DNAAF4: variants seen among roughly 807,000 people sequenced by gnomAD.
The protein encoded by DNAAF4 is dynein assembly factor 4, axonemal.
Under a neutral mutation model 51.8 loss-of-function variants are expected in DNAAF4, and 43 were observed. That is an observed-to-expected ratio of 0.83 (90% CI 0.65 to 1.07). The LOEUF (loss-of-function observed/expected upper bound fraction) is 1.07. Ranked by LOEUF, DNAAF4 falls within the 50% of genes least tolerant of loss-of-function variation. The pLI, the probability that DNAAF4 is intolerant of heterozygous loss-of-function variation, is 0.00. For synonymous variants in DNAAF4, 194 were observed against 165.6 expected (o/e 1.17, Z -1.32); for missense variants, 581 against 493.0 (o/e 1.18, Z -1.69).
intron 4 of DNAAF4, among the ~76,000 whole-genome samples, chr15:55,490,575 CTTTAT>C (rs1309954404): frequency 1.3e-5 from 2 of 152,126 alleles, no homozygotes; most frequent in African/African-American, 4.8e-5. Flanking sequence ...ACCATTGAAA[CTTTAT>C]TTTTACTCCC....
At chr15:55,482,820 G>T (rs1001481016) in intron 4 of DNAAF4, among the ~76,000 whole-genome samples, 4 of 152,122 alleles carry the variant, frequency 2.6e-5, no homozygotes, top group Non-Finnish European at 5.9e-5. Context: ...ACAAAATGTG[G>T]TGCCATCCAT....
At chr15:55,478,458 C>A (rs2058365017) in intron 4 of DNAAF4, among the ~76,000 whole-genome samples, 1 of 152,138 alleles carries the variant, frequency 6.6e-6, no homozygotes, top group Non-Finnish European at 1.5e-5. Context: ...ACAAACAGGT[C>A]AACCTGCTAG....
intron 5 of DNAAF4, among the ~76,000 whole-genome samples, chr15:55,461,964 ACAGGGATACAAAAGAT>A (rs2058099861): frequency 6.6e-6 from 1 of 152,218 alleles, no homozygotes; most frequent in African/African-American, 2.4e-5. Flanking sequence ...AACAAATACC[ACAGGGATACAAAAGAT>A]CATTCAAAGC....
chr15:55,443,218 T>G (rs555062527), intron 6 of DNAAF4: 6 of 1,609,268 alleles, frequency 3.7e-6, no homozygotes, highest in African/African-American at 1.3e-5. Context: ...GGGGACAGAA[T>G]AGTCCTTAAG....
chr15:55,487,695 T>TG (rs1193898685), intron 4 of DNAAF4, among the ~76,000 whole-genome samples: 5 of 151,386 alleles, frequency 3.3e-5, no homozygotes, highest in African/African-American at 9.7e-5. Context: ...CATTAAGAGC[T>TG]GTAACACACC....
At chr15:55,483,833 CT>C (rs71105887) in intron 4 of DNAAF4, among the ~76,000 whole-genome samples, 74 of 82,396 alleles carry the variant, frequency 9.0e-4, no homozygotes, top group East Asian at 3.7e-3. Flanking sequence ...GCCAATAAAG[CT>C]TTTTTTTTTT....
At chr15:55,479,146 C>T (rs906693883) in intron 4 of DNAAF4, among the ~76,000 whole-genome samples, 1 of 150,556 alleles carries the variant, frequency 6.6e-6, no homozygotes, top group South Asian at 2.1e-4. Flanking sequence ...TTTTAGTCCC[C>T]CAGTACAAAA....
rs540494914 is a variant in DNAAF4, at chr15:55,494,286, A to C, written c.272-3030T>G. Among the ~76,000 whole-genome samples the C allele has an allele frequency of 3.0e-4, 46 of 151,048 alleles. No homozygotes were observed. The East Asian group carries it at 8.9e-3, about 29-fold the overall frequency. On this transcript the variant is annotated intron_variant, in intron 3 of 9. Transcript: ENST00000321149. ...TCAGATGATCAGCCCGCCTCGGCCT[A>C]CCAAAGTGCTGGGATTACAGGCGTG...
chr15:55,445,590 G>A (rs1160872353), intron 6 of DNAAF4, among the ~76,000 whole-genome samples: 1 of 151,984 alleles, frequency 6.6e-6, no homozygotes, highest in African/African-American at 2.4e-5. Flanking sequence ...AGATGGGGCG[G>A]CCAGGCAGAG....
At chr15:55,453,267 G>A (rs769735276) in intron 5 of DNAAF4, among the ~76,000 whole-genome samples, 15 of 152,122 alleles carry the variant, frequency 9.9e-5, no homozygotes, top group Admixed American at 4.6e-4. Flanking sequence ...AAGAATATAT[G>A]ATATTTCCTC....
intron 5 of DNAAF4, among the ~76,000 whole-genome samples, chr15:55,456,307 C>T (rs182157923): frequency 1.3e-4 from 20 of 152,224 alleles, no homozygotes; most frequent in Non-Finnish European, 2.2e-4. Context: ...GTCTTGAACA[C>T]CCGACTTCAG....
chr15:55,464,596 C>G (rs571762794), intron 5 of DNAAF4, among the ~76,000 whole-genome samples: 3 of 152,272 alleles, frequency 2.0e-5, no homozygotes, highest in Admixed American at 6.5e-5. Context: ...GGAACTCAAA[C>G]AAATCAGCAA....
chr15:55,447,045 G>A (rs1442798387), intron 6 of DNAAF4, among the ~76,000 whole-genome samples: 3 of 148,714 alleles, frequency 2.0e-5, no homozygotes, highest in East Asian at 2.0e-4. Flanking sequence ...GGGCAGAGGC[G>A]CTCCTCACTT....
chr15:55,427,828 T>C (rs1161715088), downstream of DNAAF4, among the ~76,000 whole-genome samples: 1 of 151,514 alleles, frequency 6.6e-6, no homozygotes, highest in African/African-American at 2.4e-5. Context: ...ACAGACAGGG[T>C]GTCTCCATGT....
chr15:55,463,179 C>CAT lies in DNAAF4; in HGVS notation c.637+3750_637+3751insAT, dbSNP rs2058119430. Among the ~76,000 whole-genome samples the CAT allele has an allele frequency of 2.0e-5, 3 of 150,310 alleles. No homozygotes were observed. The South Asian group carries it at 6.3e-4, about 32-fold the overall frequency. On this transcript the variant is annotated intron_variant, in intron 5 of 9. Coordinates refer to ENST00000321149, the MANE Select transcript of DNAAF4 (RefSeq NM_130810.4). ...ACACAGTGAGACTCTGTCTCACACA[C>CAT]ACACACACACACACACACACACACA...
At chr15:55,433,602 G>A (rs2057533046) in intron 8 of DNAAF4, among the ~76,000 whole-genome samples, 1 of 136,484 alleles carries the variant, frequency 7.3e-6, no homozygotes, top group African/African-American at 2.9e-5. Flanking sequence ...CTCCAGCCTG[G>A]GCAACAGAGC....
intron 9 of DNAAF4, among the ~76,000 whole-genome samples, chr15:55,432,198 G>A (rs987748658): frequency 1.3e-5 from 2 of 151,856 alleles, no homozygotes; most frequent in African/African-American, 4.8e-5. Flanking sequence ...TGATCCACCC[G>A]CCTCTGCCTC....
At chr15:55,476,480 AC>A (rs2058336669) in intron 4 of DNAAF4, among the ~76,000 whole-genome samples, 1 of 152,216 alleles carries the variant, frequency 6.6e-6, no homozygotes, top group Non-Finnish European at 1.5e-5. Context: ...GGAAAATGAT[AC>A]CAGATATTAA....
chr15:55,501,364 ATTTC>A (rs1245826148), intron 1 of DNAAF4, among the ~76,000 whole-genome samples: 21 of 118,846 alleles, frequency 1.8e-4, no homozygotes, highest in East Asian at 8.9e-4. Flanking sequence ...GCCTGGCAGG[ATTTC>A]TTTCTTTCTT....
Sources: gnomAD v4.1 joint callset for allele counts (sites outside exome capture counted in the v4.1 genomes callset) on GRCh38, gnomAD v4.1.1 for gene constraint, MANE v1.5 for transcripts, NCBI Gene and HGNC (gene_info 2026-07-23, HGNC 2026-07-21) for gene names.